Variants in BNC2 observed in about 807,000 individuals in gnomAD.
BNC2 encodes basonuclin zinc finger protein 2.
In BNC2, 20 loss-of-function variants were observed where a neutral mutation model predicts 76.3. The ratio of observed to expected loss-of-function variants is 0.26; its 90% confidence interval spans 0.18 to 0.38. The LOEUF is 0.38. BNC2 is among the 10% of genes least tolerant of loss of function. BNC2 has a pLI of 1.00. For synonymous variants in BNC2, 582 were observed against 514.8 expected (o/e 1.13, Z -1.77); for missense variants, 1,382 against 1,399.8 (o/e 0.99, Z 0.20).
intron 1 of BNC2, among the ~76,000 whole-genome samples, chr9:16,760,707 A>G (rs947300527): frequency 6.6e-6 from 1 of 152,186 alleles, no homozygotes; most frequent in Non-Finnish European, 1.5e-5. Flanking sequence ...TCATAGTCCA[A>G]TGAGTCATTT....
chr9:16,780,955 G>A (rs2135550289), intron 1 of BNC2, among the ~76,000 whole-genome samples: 1 of 151,934 alleles, frequency 6.6e-6, no homozygotes, highest in African/African-American at 2.4e-5. Flanking sequence ...ACCAAAAAGA[G>A]TACTTAATCA....
At chr9:16,778,793 A>G (rs994394396) in intron 1 of BNC2, among the ~76,000 whole-genome samples, 18 of 152,320 alleles carry the variant, frequency 1.2e-4, no homozygotes, top group South Asian at 2.1e-4. Context: ...AAAGGACTCC[A>G]TTATCCTCTG....
chr9:16,647,450 A>T, intron 3 of BNC2, among the ~76,000 whole-genome samples: 1 of 152,180 alleles, frequency 6.6e-6, no homozygotes, highest in East Asian at 1.9e-4. Context: ...TATGTGGCTC[A>T]GGGAAAGGAG....
At chr9:16,640,723 C>G (rs1214941281) in intron 3 of BNC2, among the ~76,000 whole-genome samples, 1 of 151,970 alleles carries the variant, frequency 6.6e-6, no homozygotes, top group Non-Finnish European at 1.5e-5. Context: ...TCAGAAATAC[C>G]CCAACAGGAG....
At chr9:16,484,076 A>G (rs1286070119) in intron 5 of BNC2, among the ~76,000 whole-genome samples, 1 of 152,110 alleles carries the variant, frequency 6.6e-6, no homozygotes, top group African/African-American at 2.4e-5. Flanking sequence ...TCTTAAAATG[A>G]CCCCAAGGCT....
At chr9:16,644,307 A>G (rs539252465) in intron 3 of BNC2, among the ~76,000 whole-genome samples, 98 of 152,310 alleles carry the variant, frequency 6.4e-4, no homozygotes, top group Non-Finnish European at 1.1e-3. Flanking sequence ...AGAAATGACA[A>G]GGTTGAATCA....
intron 1 of BNC2, among the ~76,000 whole-genome samples, chr9:16,842,318 T>C (rs780510178): frequency 6.6e-6 from 1 of 152,212 alleles, no homozygotes; most frequent in Non-Finnish European, 1.5e-5. Flanking sequence ...TTTCTGTTTC[T>C]GTGATAGGAA....
chr9:16,690,085 C>A (rs779308652), intron 3 of BNC2, among the ~76,000 whole-genome samples: 3 of 152,082 alleles, frequency 2.0e-5, no homozygotes, highest in Non-Finnish European at 4.4e-5. Context: ...AAATTCTGGG[C>A]CTAAACTTTC....
chr9:16,600,515 AT>A (rs1290707172), intron 3 of BNC2, among the ~76,000 whole-genome samples: 1 of 152,228 alleles, frequency 6.6e-6, no homozygotes, highest in Non-Finnish European at 1.5e-5. Context: ...CTATTGACAA[AT>A]TCAGCATTTT....
chr9:16,626,724 T>A (rs1029131249), intron 3 of BNC2, among the ~76,000 whole-genome samples: 2 of 151,992 alleles, frequency 1.3e-5, no homozygotes, highest in Non-Finnish European at 2.9e-5. Flanking sequence ...TTCTTTCTCC[T>A]TTTTTTCCTT....
intron 5 of BNC2, among the ~76,000 whole-genome samples, chr9:16,544,161 T>C (rs1245961528): frequency 6.6e-6 from 1 of 152,306 alleles, no homozygotes; most frequent in East Asian, 1.9e-4. Context: ...CAACTTTCCA[T>C]CATTTGTTTA....
chr9:16,759,744 C>A (rs532149029), intron 1 of BNC2, among the ~76,000 whole-genome samples: 1 of 138,660 alleles, frequency 7.2e-6, no homozygotes, highest in Non-Finnish European at 1.5e-5. Context: ...TTTTTTTTGA[C>A]ACAGAGTCTC....
chr9:16,616,812 G>A (rs1452047821), intron 3 of BNC2, among the ~76,000 whole-genome samples: 4 of 149,808 alleles, frequency 2.7e-5, no homozygotes, highest in African/African-American at 9.8e-5. Flanking sequence ...AGGAAGGAAG[G>A]AAGGAAGAAA....
intron 1 of BNC2, among the ~76,000 whole-genome samples, chr9:16,807,308 C>T (rs765091367): frequency 6.6e-6 from 1 of 152,172 alleles, no homozygotes; most frequent in Non-Finnish European, 1.5e-5. Context: ...CAGAACACAA[C>T]ATAGTATCAA....
intron 1 of BNC2, among the ~76,000 whole-genome samples, chr9:16,842,979 T>C (rs1188174439): frequency 6.6e-6 from 1 of 152,176 alleles, no homozygotes; most frequent in East Asian, 1.9e-4. Context: ...GTCAAACTCA[T>C]AACCTCAAGT....
At chr9:16,659,294 C>T (rs1010557338) in intron 3 of BNC2, among the ~76,000 whole-genome samples, 3 of 152,200 alleles carry the variant, frequency 2.0e-5, no homozygotes, top group African/African-American at 7.2e-5. Context: ...CCCCTGTTCA[C>T]TGGCAACCAC....
At chr9:16,590,326 G>T (rs1039822821) in intron 3 of BNC2, among the ~76,000 whole-genome samples, 8 of 151,972 alleles carry the variant, frequency 5.3e-5, no homozygotes, top group African/African-American at 1.9e-4. Context: ...CCACGTAGCT[G>T]GGATTTCAGG....
At chr9:16,706,211 C>T (rs1823668805) in intron 3 of BNC2, among the ~76,000 whole-genome samples, 1 of 152,154 alleles carries the variant, frequency 6.6e-6, no homozygotes, top group South Asian at 2.1e-4. Context: ...CTTCTTCTAC[C>T]ACTGATTCTC....
chr9:16,725,992 ACACACACACG>A (rs1313875167), intron 3 of BNC2, among the ~76,000 whole-genome samples: 1 of 141,362 alleles, frequency 7.1e-6, no homozygotes, highest in African/African-American at 2.7e-5. Context: ...TCTAACACAC[ACACACACACG>A]CACACACACA....
Sources: gnomAD v4.1 joint callset for allele counts (sites outside exome capture counted in the v4.1 genomes callset) on GRCh38, gnomAD v4.1.1 for gene constraint, MANE v1.5 for transcripts, NCBI Gene and HGNC (gene_info 2026-07-23, HGNC 2026-07-21) for gene names.